Variants in EML6 observed in about 807,000 individuals in gnomAD.
The protein encoded by EML6 is echinoderm microtubule-associated protein-like 6.
A neutral mutation model predicts 240.1 loss-of-function variants in EML6; 154 were observed. The observed-to-expected ratio is 0.64, with a 90% CI of 0.56 to 0.73. The LOEUF (loss-of-function observed/expected upper bound fraction) is 0.73. EML6 is among the 30% of genes least tolerant of loss of function. The pLI is 0.00. For synonymous variants in EML6, 1,148 were observed against 899.0 expected (o/e 1.28, Z -4.95); for missense variants, 2,964 against 2,474.6 (o/e 1.20, Z -4.20).
intron 17 of EML6, chr2:54,880,548 G>C (rs920600018): frequency 1.3e-5 from 2 of 152,214 alleles, no homozygotes; most frequent in African/African-American, 2.4e-5. Context: ...AGCAGATGGA[G>C]GCATGAGGAC....
chr2:54,948,868 G>C lies in EML6; in HGVS notation c.4005-14G>C, dbSNP rs1472554005. On this transcript the variant is annotated splice_polypyrimidine_tract_variant and intron_variant, in intron 28 of 41. Transcript: ENST00000356458. ...GTTCAATGCTGTGCTTCCTCTGGCC[G>C]CTCTCTCTTCCAGACCACCCGTTAG... 1.9e-6 allele frequency: 3 copies of C among 1,548,198 alleles called. No individual in the cohort carries two copies. The highest frequency in any genetic ancestry group is 2.4e-5 in the East Asian group (1 of 40,906).
intron 2 of EML6, among the ~76,000 whole-genome samples, chr2:54,756,999 G>C (rs901020947): frequency 1.3e-5 from 2 of 151,176 alleles, no homozygotes; most frequent in East Asian, 3.9e-4. Flanking sequence ...TTTCTATTTT[G>C]TCATTCAAAT....
chr2:54,916,867 A>G lies in EML6; in HGVS notation c.3607A>G (p.Lys1203Glu), dbSNP rs1673942754. The G allele has an allele frequency of 6.4e-7, 1 of 1,550,666 alleles. No individual in the cohort carries two copies. The highest frequency in any genetic ancestry group is 1.4e-5 in the African/African-American group (1 of 73,148). ...TGACGTAAATGCTGCCAGTCTTACC[A>G]AAGACTGTTCCCTTTTAGCCACCGG... ...ITDVNAASLT[K>E]DCSLLATGDD... is the part of the protein sequence containing the mutation. Residue 1203 changes from lysine to glutamate, a missense_variant, in exon 26 of 42, where the codon AAA (lysine) becomes GAA (glutamate). Lys to Glu is a moderately conservative substitution (Grantham distance 56). Transcript: ENST00000356458.
intron 26 of EML6, among the ~76,000 whole-genome samples, chr2:54,927,825 C>T (rs368395979): frequency 3.3e-5 from 5 of 152,220 alleles, no homozygotes; most frequent in African/African-American, 4.8e-5. Context: ...TGGCAGAAAC[C>T]GTTGTGTTCA....
rs917966877 is a variant in EML6 at position 54,919,253 on chromosome 2, C to G, written c.3675+2318C>G. On this transcript the variant is annotated intron_variant, in intron 26 of 41. Transcript: ENST00000356458. The stretch of plus-strand genomic sequence containing the variant: ...TCCTCTATTTTGCTTCCCCCCCCCC[C>G]CAATCCTTTTCAAAAGTCTTATTTT... Among the ~76,000 whole-genome samples the G allele has an allele frequency of 2.0e-3, 290 of 145,954 alleles. 3 individuals are homozygous for G. Among genetic ancestry groups the G allele is most frequent in the Non-Finnish European group, 6.6e-4 (44 of 66,226 alleles).
chr2:54,951,001 C>T (rs937112635), intron 30 of EML6, among the ~76,000 whole-genome samples: 2 of 152,070 alleles, frequency 1.3e-5, no homozygotes, highest in African/African-American at 2.4e-5. Flanking sequence ...TCATCATAGG[C>T]CCTAGAGAGA....
At position 54,859,540 on chromosome 2, in the gene EML6, A is replaced by T; in HGVS notation, c.1664A>T (p.Lys555Ile). 6.5e-7 allele frequency: 1 copy of T among 1,548,390 alleles called. No individual in the cohort carries two copies. Among genetic ancestry groups the T allele is most frequent in the Non-Finnish European group, 8.7e-7 (1 of 1,146,216 alleles). The change falls in exon 12 of 42, where the codon AAA (lysine) becomes ATA (isoleucine). Residue 555 changes from lysine to isoleucine, a missense_variant. Physicochemically the swap from Lys to Ile is moderately radical, Grantham distance 102. Transcript: ENST00000356458. ...TCAAAAAATATTCTTTCAGGAGCCAAATTTAGAAAGTATGTGGGCCATTCT... is the reference window on the plus strand; with the variant it reads ...TCAAAAAATATTCTTTCAGGAGCCATATTTAGAAAGTATGTGGGCCATTCT... ...FKFPCLKRGA[K>I]FRKYVGHSAH...
chr2:54,739,981 G>A (rs1032088553), intron 2 of EML6, among the ~76,000 whole-genome samples: 2 of 152,198 alleles, frequency 1.3e-5, no homozygotes, highest in Non-Finnish European at 2.9e-5. Flanking sequence ...AGGCAGGTAG[G>A]TGTAACGTAG....
At chr2:54,888,068 A>G (rs762694471) in intron 17 of EML6, among the ~76,000 whole-genome samples, 3 of 152,230 alleles carry the variant, frequency 2.0e-5, no homozygotes, top group Non-Finnish European at 2.9e-5. Context: ...CGCCAATACT[A>G]TGCCACCAGC....
chr2:54,854,142 A>G (rs1252982721), intron 11 of EML6, among the ~76,000 whole-genome samples: 11 of 152,188 alleles, frequency 7.2e-5, no homozygotes, highest in Non-Finnish European at 1.0e-4. Flanking sequence ...ATTTATGTAA[A>G]TATTCATAGT....
intron 16 of EML6, among the ~76,000 whole-genome samples, chr2:54,876,470 C>G (rs1671512879): frequency 6.6e-6 from 1 of 152,170 alleles, no homozygotes; most frequent in Admixed American, 6.6e-5. Context: ...CAGGGCCTTG[C>G]AGAAATTCTC....
chr2:54,878,662 C>T (rs1301753642), intron 16 of EML6, among the ~76,000 whole-genome samples: 2 of 152,154 alleles, frequency 1.3e-5, no homozygotes, highest in East Asian at 3.9e-4. Context: ...AATAAATTGT[C>T]CTGGAAATGT....
At chr2:54,934,161 G>A (rs1035983347) in intron 28 of EML6, among the ~76,000 whole-genome samples, 2 of 152,162 alleles carry the variant, frequency 1.3e-5, no homozygotes, top group African/African-American at 2.4e-5. Context: ...GGATATAAAG[G>A]TTTTGTTTGT....
At position 54,903,410 on chromosome 2, in the gene EML6, T is replaced by G; in HGVS notation, c.3317T>G (p.Phe1106Cys). The G allele has an allele frequency of 6.4e-7, 1 of 1,551,792 alleles. No homozygotes were observed. Among genetic ancestry groups the G allele is most frequent in the South Asian group, 1.2e-5 (1 of 84,054 alleles). Residue 1106 changes from phenylalanine to cysteine, a missense_variant, in exon 24 of 42, where the codon TTT becomes TGT. Phe to Cys is a radical substitution (Grantham distance 205). Coordinates refer to ENST00000356458, the MANE Select transcript of EML6 (RefSeq NM_001039753.4). ...CTTGCCGTGGCATCCCATGATAACT[T>G]TGTGGATATTTACAACGTACTTACA... ...KYLAVASHDNFVDIYNVLTSK... is the reference protein window; with the variant it reads ...KYLAVASHDNCVDIYNVLTSK...
intron 2 of EML6, among the ~76,000 whole-genome samples, chr2:54,755,503 T>C (rs1684358362): frequency 6.6e-6 from 1 of 152,228 alleles, no homozygotes; most frequent in Non-Finnish European, 1.5e-5. Context: ...GATATATCCC[T>C]CTACTTTGTT....
chr2:54,813,697 G>A (rs1041658583), intron 3 of EML6, among the ~76,000 whole-genome samples: 2 of 152,156 alleles, frequency 1.3e-5, no homozygotes, highest in Admixed American at 1.3e-4. Context: ...TCTGTTGTTA[G>A]CTTCCTATTT....
At chr2:54,886,160 C>CTTTTTTTTTTTTTTTTTTTTTTTTATCTT (rs869107962) in intron 17 of EML6, among the ~76,000 whole-genome samples, 1 of 82,216 alleles carries the variant, frequency 1.2e-5, no homozygotes. Flanking sequence ...TTTTAACCTT[C>CTTTTTTTTTTTTTTTTTTTTTTTTATCTT]TTTTTTTTTT....
intron 28 of EML6, among the ~76,000 whole-genome samples, chr2:54,932,213 T>C (rs2104407695): frequency 6.6e-6 from 1 of 152,334 alleles, no homozygotes; most frequent in South Asian, 2.1e-4. Context: ...GTTCAGCGGG[T>C]AGCCCAGTTA....
At chr2:54,838,811 G>A (rs1354031275) in intron 7 of EML6, among the ~76,000 whole-genome samples, 1 of 152,176 alleles carries the variant, frequency 6.6e-6, no homozygotes, top group African/African-American at 2.4e-5. Flanking sequence ...AGGGTATGGT[G>A]TCCAAATGTG....
Sources: allele counts gnomAD v4.1 joint callset (sites outside exome capture counted in the v4.1 genomes callset), GRCh38; gene constraint gnomAD v4.1.1; transcripts MANE v1.5; gene names NCBI Gene and HGNC (gene_info 2026-07-23, HGNC 2026-07-21).